RPL8: variants seen among roughly 807,000 people sequenced by gnomAD.
RPL8 encodes large ribosomal subunit protein uL2.
For synonymous variants in RPL8, 182 were observed against 143.2 expected (o/e 1.27, Z -1.94); for missense variants, 248 against 365.9 (o/e 0.68, Z 2.63).
intron 4 of RPL8, 41 bp downstream of exon 4, chr8:144,790,314 T>C (rs1315554338): frequency 6.5e-7 from 1 of 1,548,146 alleles, no homozygotes. Flanking sequence ...GTGTGGCCAC[T>C]GTAACTTCAA....
chr8:144,790,036 T>C (rs1826442656), intron 4 of RPL8, 74 bp from the exon 5 acceptor site: 9 of 1,482,622 alleles, frequency 6.1e-6, no homozygotes, highest in Non-Finnish European at 6.3e-6. Flanking sequence ...GTCCCACCCG[T>C]CAGGGGCCCA....
Position 144,791,460 on chromosome 8 carries a change from T to C in RPL8, c.316A>G (p.Thr106Ala). 1 of 1,613,906 alleles carries C rather than the reference T, an allele frequency of 6.2e-7. No homozygotes were observed. The highest frequency in any genetic ancestry group is 1.1e-5 in the South Asian group (1 of 91,084). The change falls in exon 3 of 5, where the codon ACC becomes GCC. Residue 106 changes from threonine (T) to alanine (A), a missense_variant. Transcript: ENST00000528957. ...CACACGATTGTACCCTCAGGCATGG[T>C]GCCCACAGGGAGCACATTGCCAATG... ...LNIGNVLPVG[T>A]MPEGTIVCCL...
intron 2 of RPL8, 67 bp downstream of exon 2, chr8:144,791,706 G>A (rs1826526150): frequency 4.4e-6 from 7 of 1,605,212 alleles, no homozygotes; most frequent in South Asian, 1.1e-5. Context: ...GGCTTAGGAC[G>A]TTAACTCCTC....
chr8:144,791,977 G>A lies in RPL8; in HGVS notation c.138+15C>T. 1 of 1,609,194 alleles carries A rather than the reference G, an allele frequency of 6.2e-7. No homozygotes were observed. The highest frequency in any genetic ancestry group is 8.5e-7 in the Non-Finnish European group (1 of 1,177,708). ...GGGCGTCCCTTCCCCTCCCGCCCCG[G>A]CCAGCGTTCCGCACCTTGACGATGC... On this transcript the variant is annotated intron_variant, in intron 1 of 4. Coordinates refer to ENST00000528957, the MANE Select transcript of RPL8 (RefSeq NM_001317782.2).
rs768946831 is a variant in RPL8, at chr8:144,790,376, T to C, written c.594A>G (p.Arg198=). ...TTACATTCATGGCCACACCCCGTACTCGTGGCCAGCAGTTCCTCTTTGCCT... is the reference window on the plus strand; with the variant it reads ...TTACATTCATGGCCACACCCCGTACCCGTGGCCAGCAGTTCCTCTTTGCCT... ...KYKAKRNCWP[R]VRGVAMNPVE... Residue 198 remains arginine, a synonymous_variant, in exon 4 of 5, where the codon CGA becomes CGG. Coordinates refer to ENST00000528957, the MANE Select transcript of RPL8 (RefSeq NM_001317782.2). The C allele has an allele frequency of 3.1e-6, 5 of 1,614,018 alleles. No homozygotes were observed. The highest frequency in any genetic ancestry group is 4.2e-6 in the Non-Finnish European group (5 of 1,179,878).
intron 3 of RPL8, 48 bp downstream of exon 3, chr8:144,791,229 G>T (rs1184741003): frequency 6.4e-7 from 1 of 1,569,790 alleles, no homozygotes; most frequent in Non-Finnish European, 8.7e-7. Flanking sequence ...GGCACTCACA[G>T]CATGTTCACC....
In RPL8 at chr8:144,791,304, T is replaced by C. The variant is rs1385368894; in HGVS notation, c.472A>G (p.Ile158Val). Residue 158 changes from isoleucine (I) to valine (V), a missense_variant, in exon 3 of 5, where the codon ATC becomes GTC. Physicochemically the swap from Ile to Val is conservative, Grantham distance 29 (BLOSUM62 3). Transcript: ENST00000528957. The stretch of plus-strand genomic sequence containing the variant: ...ACCACAGCTCTGTTGGCTGAGGAGA[T>C]AACCTTCTTGGAGCCGGAGGGCAGC... ...VKLPSGSKKV[I>V]SSANRAVVGV... 6.2e-7 allele frequency: 1 copy of C among 1,612,034 alleles called. No individual in the cohort carries two copies. Among genetic ancestry groups the C allele is most frequent in the Non-Finnish European group, 8.5e-7 (1 of 1,179,872 alleles).
chr8:144,790,553 C>G, intron 3 of RPL8, 83 bp from the exon 4 acceptor site: 1 of 1,049,754 alleles, frequency 9.5e-7, no homozygotes, highest in Admixed American at 1.7e-5. Flanking sequence ...ATGCACCTTC[C>G]CAATACTGCA....
rs140504303 is a variant in RPL8, at chr8:144,791,050, C to T, written c.499+227G>A. On this transcript the variant is annotated intron_variant, in intron 3 of 4. Coordinates refer to ENST00000528957, the MANE Select transcript of RPL8 (RefSeq NM_001317782.2). ...GTAGAATCCAAGACCCTGGTGACTT[C>T]GTCCCAATCTCATTTAACGCCTCAA... The T allele has an allele frequency of 2.0e-3, 1,141 of 573,678 alleles. 5 individuals carry two copies. The highest frequency in any genetic ancestry group is 0.02 in the African/African-American group (1,046 of 53,462). The allele number at this position is 573,678 out of a possible 1,614,324, so 35.5% of individuals were successfully genotyped here. A position where few individuals can be genotyped will look rare whatever the true frequency, so the allele number is the denominator to read the frequency against.
Position 144,792,354 on chromosome 8 carries a change from A to G in RPL8, c.-225T>C, listed in dbSNP as rs1826568804. ...ATACTGCCCATGCCGCAAGGCCGCA[A>G]GGATGACCTACCTGTTCACCAGCGC... On this transcript the variant is annotated 5_prime_UTR_variant, in exon 1 of 5. Transcript: ENST00000528957. 4.3e-6 allele frequency: 3 copies of G among 702,266 alleles called. No individual in the cohort carries two copies. In the African/African-American group the frequency reaches 5.6e-5, roughly 13 times the overall value. 43.5% of individuals were successfully genotyped at this position (702,266 alleles called of 1,614,324 possible). A position where few individuals can be genotyped will look rare whatever the true frequency, so the allele number is the denominator to read the frequency against.
rs545751832 is a variant in RPL8 at position 144,791,186 on chromosome 8, C to G, written c.499+91G>C. ...TTTTAGAACAACAGGTAATCGAATT[C>G]CAGGGACCAAGTCTAGCCACTGGCT... On this transcript the variant is annotated intron_variant, in intron 3 of 4. Coordinates refer to ENST00000528957, the MANE Select transcript of RPL8 (RefSeq NM_001317782.2). 3.1e-6 allele frequency: 4 copies of G among 1,305,932 alleles called. No individual in the cohort carries two copies. In the East Asian group the frequency reaches 6.9e-5, roughly 23 times the overall value. 80.9% of individuals were successfully genotyped at this position (1,305,932 alleles called of 1,614,324 possible).
intron 2 of RPL8, 52 bp from the exon 3 acceptor site, chr8:144,791,547 C>A (rs749982015): frequency 3.9e-5 from 61 of 1,576,372 alleles, no homozygotes; most frequent in Non-Finnish European, 4.8e-5. Context: ...ACAATGCGAA[C>A]CCCCTCGCTC....
At chr8:144,791,570 G>C in intron 2 of RPL8, 75 bp from the exon 3 acceptor site, 1 of 1,523,116 alleles carries the variant, frequency 6.6e-7, no homozygotes, top group East Asian at 2.4e-5. Context: ...GGCAACCCGC[G>C]AAGTTGCGAG....
rs1332270043 is a variant in RPL8, at chr8:144,790,484, G to C, written c.500-14C>G. On this transcript the variant is annotated splice_polypyrimidine_tract_variant and intron_variant, in intron 3 of 4. Coordinates refer to ENST00000528957, the MANE Select transcript of RPL8 (RefSeq NM_001317782.2). ...CAGCCACCACACCTGTAGGGGATCA[G>C]ATACCTCAGGGAACCCCCAGTCGGT... 7 of 1,601,450 alleles carry C rather than the reference G, an allele frequency of 4.4e-6. No homozygotes were observed. In the Admixed American group the frequency reaches 1.0e-4, roughly 23 times the overall value.
At chr8:144,790,074 G>C in intron 4 of RPL8, 112 bp from the exon 5 acceptor site, 1 of 1,307,148 alleles carries the variant, frequency 7.7e-7, no homozygotes, top group Non-Finnish European at 1.0e-6. Flanking sequence ...TCCACAGCAT[G>C]TGCCGCTAGA....
chr8:144,790,320 T>G, intron 4 of RPL8, 35 bp downstream of exon 4: 1 of 1,575,300 alleles, frequency 6.3e-7, no homozygotes, highest in Non-Finnish European at 8.7e-7. Context: ...CCACTGTAAC[T>G]TCAATACCCA....
chr8:144,790,626 C>G, intron 3 of RPL8, 156 bp from the exon 4 acceptor site: 1 of 691,042 alleles, frequency 1.4e-6, no homozygotes, highest in South Asian at 1.6e-5. Context: ...ACCCTGTGAG[C>G]TGACATCCAG....
rs1473406098 is a variant in RPL8 at position 144,791,760 on chromosome 8, C to A, written c.280+13G>T. ...TCCCCACCCCGACCTTCCTTCCCCG[C>A]CGCGATGCTAACCCTTCTTGCCGCA... On this transcript the variant is annotated intron_variant, in intron 2 of 4. Transcript: ENST00000528957. 6 of 1,613,186 alleles carry A rather than the reference C, an allele frequency of 3.7e-6. No individual in the cohort carries two copies. The highest frequency in any genetic ancestry group is 1.3e-5 in the African/African-American group (1 of 74,914).
chr8:144,791,876 G>A lies in RPL8; in HGVS notation c.177C>T (p.Ala59=), dbSNP rs1345132761. ...GATACGGATCCCGGAAGACCACCTT[G>A]GCGAGGGGCGCGCCGCGGCCCGGGT... ...IHDPGRGAPL[A]KVVFRDPYRF... The change falls in exon 2 of 5, where the codon GCC becomes GCT. Residue 59 remains alanine, a synonymous_variant. Transcript: ENST00000528957. 1 of 1,613,636 alleles carries A rather than the reference G, an allele frequency of 6.2e-7. No homozygotes were observed. Among genetic ancestry groups the A allele is most frequent in the Non-Finnish European group, 8.5e-7 (1 of 1,180,026 alleles).
Sources: allele counts gnomAD v4.1 joint callset, GRCh38; gene constraint gnomAD v4.1.1; transcripts MANE v1.5; gene names NCBI Gene and HGNC (gene_info 2026-07-23, HGNC 2026-07-21).